CAMTA1: variants seen among roughly 807,000 people sequenced by gnomAD.
CAMTA1 encodes calmodulin binding transcription activator 1.
In CAMTA1, 27 loss-of-function variants were observed where a neutral mutation model predicts 170.9. The observed-to-expected ratio is 0.16, with a 90% confidence interval of 0.12 to 0.22. The LOEUF is 0.22. CAMTA1 is among the 10% of genes least tolerant of loss of function. The pLI is 1.00. For missense variants in CAMTA1, 1,619 were observed against 2,217.2 expected, an observed-to-expected ratio of 0.73 and a Z score of 5.42; for synonymous variants, 833 against 891.5, an observed-to-expected ratio of 0.93 and a Z score of 1.17.
chr1:7,608,288 G>A (rs1451840313), intron 6 of CAMTA1, among the ~76,000 whole-genome samples: 1 of 152,250 alleles, frequency 6.6e-6, no homozygotes, highest in Non-Finnish European at 1.5e-5. Context: ...AGGTCATGCA[G>A]GTGGTAGATG....
At chr1:7,605,066 C>T (rs181157383) in intron 6 of CAMTA1, among the ~76,000 whole-genome samples, 24 of 152,210 alleles carry the variant, frequency 1.6e-4, no homozygotes, top group South Asian at 1.2e-3. Flanking sequence ...AGTACCCGGC[C>T]GGCTGTGTGA....
At chr1:7,052,341 T>G (rs1706538175) in intron 3 of CAMTA1, among the ~76,000 whole-genome samples, 1 of 152,076 alleles carries the variant, frequency 6.6e-6, no homozygotes, top group Admixed American at 6.5e-5. Flanking sequence ...AAAGACCTCC[T>G]TGTTCAGCGA....
chr1:7,065,102 C>T lies in CAMTA1; in HGVS notation c.235-26202C>T, dbSNP rs1013268573. Among the ~76,000 whole-genome samples, 18 of 152,168 alleles carry T rather than the reference C, an allele frequency of 1.2e-4. No individual in the cohort carries two copies. The highest frequency in any genetic ancestry group is 1.9e-4 in the Non-Finnish European group (13 of 68,040). On this transcript the variant is annotated intron_variant, in intron 3 of 22. Transcript: ENST00000303635. This position sits in a 1 kb window ranked among gnomAD's most constrained non-coding sequence, Gnocchi z 5.2. ...CGTTACATGTGGGATGCTCTTTATA[C>T]AGCCAAATGGGGAGGCCACATAGGC...
At chr1:6,973,755 C>A (rs1692936199) in intron 3 of CAMTA1, among the ~76,000 whole-genome samples, 1 of 152,172 alleles carries the variant, frequency 6.6e-6, no homozygotes, top group South Asian at 2.1e-4. Context: ...ACTCAGCCCT[C>A]ACCTGGACCG....
chr1:7,642,862 C>T lies in CAMTA1; in HGVS notation c.664+2309C>T, dbSNP rs553871746. 1.2e-4 allele frequency among the ~76,000 whole-genome samples: 18 copies of T among 152,316 alleles called. No homozygotes were observed. In the East Asian group the frequency reaches 2.9e-3, roughly 25 times the overall value. ...AGCCATCTCAGGGGGCCCGGCTCAGCTCCTCCACCCCTGCACACCATGTCC... is the reference window on the plus strand; with the variant it reads ...AGCCATCTCAGGGGGCCCGGCTCAGTTCCTCCACCCCTGCACACCATGTCC... On this transcript the variant is annotated intron_variant, in intron 7 of 22. Transcript: ENST00000303635. This position sits in a 1 kb window ranked among gnomAD's most constrained non-coding sequence, Gnocchi z 6.3.
chr1:6,864,705 C>G (rs554237852), intron 3 of CAMTA1, among the ~76,000 whole-genome samples: 116 of 152,290 alleles, frequency 7.6e-4, no homozygotes, highest in African/African-American at 2.7e-3. Flanking sequence ...GCTTACATGC[C>G]ATTTACATGT....
intron 3 of CAMTA1, among the ~76,000 whole-genome samples, chr1:6,844,689 C>T (rs1432743627): frequency 1.4e-5 from 1 of 69,402 alleles, no homozygotes; most frequent in Non-Finnish European, 2.8e-5. Flanking sequence ...GACCCTGTGT[C>T]CAAAAAAAAA....
At chr1:7,416,604 G>A (rs2091192569) in intron 5 of CAMTA1, among the ~76,000 whole-genome samples, 1 of 152,156 alleles carries the variant, frequency 6.6e-6, no homozygotes, top group Non-Finnish European at 1.5e-5. Flanking sequence ...TTGGCTTTCA[G>A]CTCCATCAGC....
rs1573167410 is a variant in CAMTA1, at chr1:7,113,668, C to T, written c.302+22297C>T. 6.6e-6 allele frequency among the ~76,000 whole-genome samples: 1 copy of T among 152,258 alleles called. No homozygotes were observed. The highest frequency in any genetic ancestry group is 1.9e-4 in the East Asian group (1 of 5,190). ...TGGTAATGAGGAAGCGGCTTTTGTC[C>T]AAGAGGTGAGATATGCAAAAATAAC... On this transcript the variant is annotated intron_variant, in intron 4 of 22. Coordinates refer to ENST00000303635, the MANE Select transcript of CAMTA1 (RefSeq NM_015215.4). This position sits in a 1 kb window ranked among gnomAD's most constrained non-coding sequence, Gnocchi z 4.5.
chr1:6,968,066 G>A (rs919941706), intron 3 of CAMTA1, among the ~76,000 whole-genome samples: 5 of 152,204 alleles, frequency 3.3e-5, no homozygotes, highest in Non-Finnish European at 7.3e-5. Context: ...GCAGCGTTCA[G>A]CAGCTCATTC....
chr1:6,830,421 G>C (rs1649417045), intron 3 of CAMTA1, among the ~76,000 whole-genome samples: 1 of 149,152 alleles, frequency 6.7e-6, no homozygotes, highest in Admixed American at 6.7e-5. Flanking sequence ...TCAGCTCACT[G>C]CAACCTCCAC....
intron 4 of CAMTA1, among the ~76,000 whole-genome samples, chr1:7,211,231 T>A (rs1658693659): frequency 6.6e-6 from 1 of 152,248 alleles, no homozygotes; most frequent in South Asian, 2.1e-4. Context: ...AACATTTATT[T>A]ACAGTTCTTT....
At chr1:7,566,639 G>A (rs2095046284) in intron 6 of CAMTA1, among the ~76,000 whole-genome samples, 1 of 152,164 alleles carries the variant, frequency 6.6e-6, no homozygotes, top group African/African-American at 2.4e-5. Context: ...CCAGACCTCA[G>A]CCTGGCTGGG....
intron 11 of CAMTA1, among the ~76,000 whole-genome samples, chr1:7,722,912 C>T (rs1487457667): frequency 2.6e-5 from 4 of 151,990 alleles, no homozygotes; most frequent in Non-Finnish European, 1.5e-5. Context: ...CATAGCAAGA[C>T]CGCAGCTCTA....
At chr1:7,699,076 C>T (rs758485979) in intron 11 of CAMTA1, among the ~76,000 whole-genome samples, 4 of 152,236 alleles carry the variant, frequency 2.6e-5, no homozygotes, top group Non-Finnish European at 1.5e-5. Flanking sequence ...CTTCTTCATT[C>T]TCTTTCTATT....
At chr1:7,501,986 G>T (rs904995756) in intron 6 of CAMTA1, among the ~76,000 whole-genome samples, 13 of 152,260 alleles carry the variant, frequency 8.5e-5, no homozygotes, top group African/African-American at 3.1e-4. Flanking sequence ...CTGCAGAGGG[G>T]CTGGGGAGGA....
chr1:7,735,427 A>G lies in CAMTA1; in HGVS notation c.3067-917A>G, dbSNP rs554663081. On this transcript the variant is annotated intron_variant, in intron 12 of 22. Transcript: ENST00000303635. ...GCCACTGCACTCCAGCCTGGGTGAC[A>G]GAGCGAGACTCTGTCTCAAAAAAAA... 8.6e-5 allele frequency among the ~76,000 whole-genome samples: 13 copies of G among 151,108 alleles called. No homozygotes were observed. In the East Asian group the frequency reaches 2.1e-3, roughly 25 times the overall value.
At chr1:7,188,779 A>G (rs753822655) in intron 4 of CAMTA1, among the ~76,000 whole-genome samples, 3 of 152,178 alleles carry the variant, frequency 2.0e-5, no homozygotes, top group Non-Finnish European at 2.9e-5. Flanking sequence ...ATAGGTGTAC[A>G]CATGTTTGTT....
At chr1:7,308,595 G>A (rs760080066) in intron 5 of CAMTA1, among the ~76,000 whole-genome samples, 14 of 151,814 alleles carry the variant, frequency 9.2e-5, no homozygotes, top group Non-Finnish European at 1.5e-4. Flanking sequence ...TTTGACCTAT[G>A]GGCTATTTAG....
Sources: allele counts gnomAD v4.1 joint callset (sites outside exome capture counted in the v4.1 genomes callset), GRCh38; gene constraint gnomAD v4.1.1; non-coding constraint Gnocchi (gnomAD v3.1); transcripts MANE v1.5; gene names NCBI Gene and HGNC (gene_info 2026-07-23, HGNC 2026-07-21).